PATJ: variants seen among roughly 807,000 people sequenced by gnomAD.
The protein encoded by PATJ is inaD-like protein.
PATJ carries 190 observed loss-of-function variants against 224.9 expected under a neutral mutation model. The observed-to-expected ratio is 0.84, with a 90% CI of 0.75 to 0.95. The LOEUF (loss-of-function observed/expected upper bound fraction) is 0.95, where lower values mean the gene tolerates loss of function less well. PATJ is among the 40% of genes least tolerant of loss of function. PATJ has a pLI of 0.00. For synonymous variants in PATJ, 769 were observed against 820.3 expected, an observed-to-expected ratio of 0.94 and a Z score of 1.07; for missense variants, 2,121 against 2,270.3, an observed-to-expected ratio of 0.93 and a Z score of 1.34.
intron 27 of PATJ, among the ~76,000 whole-genome samples, chr1:61,932,897 C>T (rs184162558): frequency 1.8e-4 from 28 of 152,058 alleles, no homozygotes; most frequent in African/African-American, 5.8e-4. Context: ...AGGCTCTGTC[C>T]GACCCCCTCA....
chr1:61,773,560 G>A (rs1478219523), intron 6 of PATJ, among the ~76,000 whole-genome samples: 1 of 151,250 alleles, frequency 6.6e-6, no homozygotes, highest in Non-Finnish European at 1.5e-5. Context: ...ACCGAGGTGG[G>A]TGGATCACCT....
At chr1:61,911,695 T>TTTTATATATA (rs770166083) in intron 25 of PATJ, among the ~76,000 whole-genome samples, 2 of 140,616 alleles carry the variant, frequency 1.4e-5, no homozygotes, top group African/African-American at 5.2e-5. Flanking sequence ...CTATATATTT[T>TTTTATATATA]TATATATATA....
intron 17 of PATJ, among the ~76,000 whole-genome samples, chr1:61,840,668 C>G (rs1048551530): frequency 3.3e-5 from 5 of 151,818 alleles, no homozygotes; most frequent in Non-Finnish European, 7.4e-5. Context: ...TTTCATCAGC[C>G]TCCTGTACCC....
At chr1:62,155,837 C>T (rs1403930965) in intron 43 of PATJ, among the ~76,000 whole-genome samples, 1 of 150,030 alleles carries the variant, frequency 6.7e-6, no homozygotes, top group Non-Finnish European at 1.5e-5. Flanking sequence ...GCAGGCAGAT[C>T]ACGAGGTCCG....
chr1:61,892,003 A>G (rs1437619032), intron 22 of PATJ, among the ~76,000 whole-genome samples: 1 of 152,130 alleles, frequency 6.6e-6, no homozygotes, highest in East Asian at 1.9e-4. Context: ...TTTTATGTCT[A>G]CCTTCTTTTA....
At chr1:61,776,433 A>C (rs1646915011) in intron 7 of PATJ, among the ~76,000 whole-genome samples, 1 of 152,168 alleles carries the variant, frequency 6.6e-6, no homozygotes, top group African/African-American at 2.4e-5. Context: ...TAATGATTGC[A>C]TTATTTTCTG....
intron 28 of PATJ, among the ~76,000 whole-genome samples, chr1:62,006,519 A>G (rs1429971078): frequency 2.0e-5 from 3 of 152,258 alleles, no homozygotes; most frequent in Admixed American, 6.5e-5. Context: ...ATTGAAACAA[A>G]TCTCATTAAA....
At chr1:61,759,428 GAGACAA>G (rs1645835558) in intron 1 of PATJ, among the ~76,000 whole-genome samples, 1 of 56,510 alleles carries the variant, frequency 1.8e-5, no homozygotes, top group Admixed American at 1.9e-4. Context: ...TTTTTTTTTT[GAGACAA>G]AGTCTTGCTT....
intron 34 of PATJ, among the ~76,000 whole-genome samples, chr1:62,109,374 A>G (rs1663527200): frequency 6.6e-6 from 1 of 152,176 alleles, no homozygotes; most frequent in Non-Finnish European, 1.5e-5. Context: ...GAAACCAGAG[A>G]TATAATTAAG....
At chr1:61,801,129 G>T (rs945941629) in intron 11 of PATJ, among the ~76,000 whole-genome samples, 5 of 152,162 alleles carry the variant, frequency 3.3e-5, no homozygotes, top group African/African-American at 1.2e-4. Context: ...AGTGTATCTA[G>T]TTCTAGATCC....
chr1:62,001,131 T>C (rs940649250), intron 28 of PATJ, among the ~76,000 whole-genome samples: 7 of 151,290 alleles, frequency 4.6e-5, no homozygotes, highest in African/African-American at 1.2e-4. Context: ...TTCTCCCATT[T>C]TGTAGGTTGC....
chr1:61,816,814 A>G (rs1205620962), intron 14 of PATJ, among the ~76,000 whole-genome samples: 2 of 152,156 alleles, frequency 1.3e-5, no homozygotes, highest in Non-Finnish European at 2.9e-5. Context: ...TCAAATAACT[A>G]TAGTAGCAGT....
chr1:61,897,739 G>T (rs930992950), intron 22 of PATJ, among the ~76,000 whole-genome samples: 1 of 152,166 alleles, frequency 6.6e-6, no homozygotes. Flanking sequence ...TCTAGAAAAT[G>T]TATTTTTTTC....
At chr1:61,819,712 A>G (rs1169585967) in intron 14 of PATJ, among the ~76,000 whole-genome samples, 1 of 152,152 alleles carries the variant, frequency 6.6e-6, no homozygotes, top group Non-Finnish European at 1.5e-5. Flanking sequence ...AAGCTACCAA[A>G]ATGGCGTCAC....
intron 28 of PATJ, among the ~76,000 whole-genome samples, chr1:62,016,720 A>G (rs1194749114): frequency 2.0e-5 from 3 of 152,208 alleles, no homozygotes; most frequent in Non-Finnish European, 4.4e-5. Flanking sequence ...ATATGAGCAT[A>G]TGACTCATTG....
At chr1:61,790,515 G>GTTTTTTTTTTTTTTTTT (rs377372844) in intron 8 of PATJ, among the ~76,000 whole-genome samples, 1 of 129,024 alleles carries the variant, frequency 7.8e-6, no homozygotes, top group Non-Finnish European at 1.6e-5. Flanking sequence ...TCTTTTTTTT[G>GTTTTTTTTTTTTTTTTT]TTTTTTTTTT....
intron 32 of PATJ, among the ~76,000 whole-genome samples, chr1:62,080,070 A>C (rs529872553): frequency 6.6e-6 from 1 of 151,440 alleles, no homozygotes; most frequent in African/African-American, 2.4e-5. Context: ...AGTAAATGTT[A>C]TTTGAATCTG....
chr1:61,781,708 C>G (rs981091397), intron 7 of PATJ, among the ~76,000 whole-genome samples: 1 of 152,204 alleles, frequency 6.6e-6, no homozygotes. Context: ...TTCTATGTTT[C>G]TAAAATAGTC....
At chr1:61,813,378 T>TATATATATAC (rs1376176032) in intron 14 of PATJ, among the ~76,000 whole-genome samples, 9 of 46,360 alleles carry the variant, frequency 1.9e-4, no homozygotes, top group South Asian at 8.4e-4. Context: ...TATATATATA[T>TATATATATAC]ACACACACAC....
Sources: gnomAD v4.1 joint callset for allele counts (sites outside exome capture counted in the v4.1 genomes callset) on GRCh38, gnomAD v4.1.1 for gene constraint, MANE v1.5 for transcripts, NCBI Gene and HGNC (gene_info 2026-07-23, HGNC 2026-07-21) for gene names.